TM9SF4: variants seen among roughly 807,000 people sequenced by gnomAD.
The protein encoded by TM9SF4 is transmembrane 9 superfamily member 4.
Under a neutral mutation model 90.4 loss-of-function variants are expected in TM9SF4, and 26 were observed. The observed-to-expected ratio is 0.29, with a 90% CI of 0.21 to 0.40. The LOEUF (loss-of-function observed/expected upper bound fraction) is 0.40, where lower values mean the gene tolerates loss of function less well. Ranked by LOEUF, TM9SF4 falls within the 10% of genes least tolerant of loss-of-function variation. The pLI, the probability that TM9SF4 is intolerant of heterozygous loss-of-function variation, is 1.00. For synonymous variants in TM9SF4, 293 were observed against 315.4 expected (o/e 0.93, Z 0.75); for missense variants, 549 against 834.8 (o/e 0.66, Z 4.22).
At chr20:32,122,414 G>GGGC (rs2046334901) in intron 1 of TM9SF4, among the ~76,000 whole-genome samples, 1 of 118,752 alleles carries the variant, frequency 8.4e-6, no homozygotes. Flanking sequence ...TCAGACGGGG[G>GGGC]TGCTGCCGGG....
intron 1 of TM9SF4, among the ~76,000 whole-genome samples, chr20:32,118,279 C>G (rs1467416365): frequency 1.3e-5 from 2 of 152,174 alleles, no homozygotes; most frequent in East Asian, 3.8e-4. Context: ...GCTGATCTGT[C>G]TGCTTACCCA....
chr20:32,131,031 A>AG (rs1319921043), intron 1 of TM9SF4, among the ~76,000 whole-genome samples: 1 of 152,140 alleles, frequency 6.6e-6, no homozygotes, highest in Non-Finnish European at 1.5e-5. Context: ...AAAATGACAG[A>AG]GGGAAAAAAA....
intron 3 of TM9SF4, among the ~76,000 whole-genome samples, chr20:32,140,164 G>A (rs1394855305): frequency 1.3e-5 from 2 of 152,224 alleles, no homozygotes; most frequent in South Asian, 2.1e-4. Context: ...GGAAAAGTGC[G>A]AGACCAAGTG....
intron 1 of TM9SF4, 30 bp downstream of exon 1, chr20:32,109,785 C>T (rs1197826793): frequency 1.2e-5 from 19 of 1,551,386 alleles, no homozygotes; most frequent in East Asian, 2.4e-5. Context: ...GGAGCGGGAG[C>T]TGGAGCGGGG....
At chr20:32,118,076 A>G (rs565439317) in intron 1 of TM9SF4, among the ~76,000 whole-genome samples, 4 of 152,222 alleles carry the variant, frequency 2.6e-5, no homozygotes, top group Non-Finnish European at 5.9e-5. Context: ...CTATCAGGCT[A>G]TCAGGAATAT....
intron 15 of TM9SF4, 66 bp from the exon 16 acceptor site, chr20:32,159,926 G>A: frequency 6.2e-7 from 1 of 1,606,864 alleles, no homozygotes; most frequent in Non-Finnish European, 8.5e-7. Flanking sequence ...CTTGTGACAG[G>A]TTGGTGTGCC....
intron 13 of TM9SF4, among the ~76,000 whole-genome samples, chr20:32,155,592 G>C (rs1049357106): frequency 6.6e-6 from 1 of 152,212 alleles, no homozygotes; most frequent in African/African-American, 2.4e-5. Flanking sequence ...GGAGGAGAGA[G>C]GAAAGGAAGG....
chr20:32,131,173 G>A (rs1015612966), intron 1 of TM9SF4, among the ~76,000 whole-genome samples: 26 of 152,076 alleles, frequency 1.7e-4, no homozygotes, highest in African/African-American at 6.3e-4. Context: ...CAATACACCT[G>A]TCTTAGCCAT....
At chr20:32,135,087 C>A (rs1600807777) in intron 2 of TM9SF4, among the ~76,000 whole-genome samples, 1 of 152,180 alleles carries the variant, frequency 6.6e-6, no homozygotes, top group African/African-American at 2.4e-5. Context: ...GTTTTACTTA[C>A]ATTTGGATTA....
In TM9SF4 at chr20:32,145,355, C is replaced by T; in HGVS notation, c.815C>T (p.Thr272Ile). ...KWASRWDTYL[T>I]MSDVQIHWFS... ...GCCTCTCGCTGGGACACTTACCTGA[C>T]CATGAGTGACGTCCAGATCCACTGG... is the stretch of plus-strand genomic sequence containing the variant. The change falls in exon 8 of 18, where the codon ACC becomes ATC. Residue 272 changes from threonine (T) to isoleucine (I), a missense_variant. Thr to Ile is a moderately conservative substitution (Grantham distance 89). This residue lies in a region of TM9SF4 where 495 missense variants were observed against 711.7 expected (regional missense o/e 0.70). Coordinates refer to ENST00000398022, the MANE Select transcript of TM9SF4 (RefSeq NM_014742.4). 1.2e-6 allele frequency: 2 copies of T among 1,614,152 alleles called. No homozygotes were observed. Among genetic ancestry groups the T allele is most frequent in the South Asian group, 2.2e-5 (2 of 91,086 alleles).
chr20:32,109,934 A>G (rs1412563987), intron 1 of TM9SF4, 179 bp downstream of exon 1: 5 of 1,436,082 alleles, frequency 3.5e-6, no homozygotes, highest in Non-Finnish European at 4.6e-6. Context: ...CTGCCCCTGC[A>G]CTCAGGCTTG....
chr20:32,163,256 AAAAAAAAAAAAAATATAT>A (rs2047044956), intron 17 of TM9SF4, among the ~76,000 whole-genome samples: 2 of 78,406 alleles, frequency 2.6e-5, no homozygotes, highest in East Asian at 8.1e-4. Flanking sequence ...AAAAAAAAAA[AAAAAAAAAAAAAATATAT>A]ATATATATAT....
At chr20:32,149,814 C>T in intron 10 of TM9SF4, 48 bp downstream of exon 10, 2 of 1,606,780 alleles carry the variant, frequency 1.2e-6, no homozygotes, top group African/African-American at 2.7e-5. Context: ...CTTCCTCTTC[C>T]AGGTGCCTCA....
chr20:32,146,758 C>T (rs765350952), intron 8 of TM9SF4, 27 bp from the exon 9 acceptor site: 3 of 1,612,604 alleles, frequency 1.9e-6, no homozygotes, highest in African/African-American at 1.3e-5. Context: ...GCCAACTTCT[C>T]CTCATCCTCA....
chr20:32,123,868 T>TATATATATATATA (rs1161883493), intron 1 of TM9SF4, among the ~76,000 whole-genome samples: 4 of 43,114 alleles, frequency 9.3e-5, no homozygotes, highest in African/African-American at 3.7e-4. Flanking sequence ...ATATATATAT[T>TATATATATATATA]TTTTTTTTTA....
chr20:32,115,280 A>C (rs1425448481), intron 1 of TM9SF4, among the ~76,000 whole-genome samples: 4 of 152,208 alleles, frequency 2.6e-5, no homozygotes, highest in African/African-American at 9.7e-5. Flanking sequence ...CTGTTTTACA[A>C]CTTGGACAAA....
At chr20:32,132,610 A>G (rs1277746289) in intron 1 of TM9SF4, among the ~76,000 whole-genome samples, 2 of 152,014 alleles carry the variant, frequency 1.3e-5, no homozygotes, top group Admixed American at 6.6e-5. Flanking sequence ...TCTTGGTAAC[A>G]TAGGAGCTTT....
At chr20:32,139,586 C>T (rs927433516) in intron 3 of TM9SF4, among the ~76,000 whole-genome samples, 1 of 152,218 alleles carries the variant, frequency 6.6e-6, no homozygotes, top group Non-Finnish European at 1.5e-5. Context: ...CAGTTCCTTG[C>T]ATCCTCTGTT....
In TM9SF4 at chr20:32,145,103, A is replaced by G. The variant is rs765698735; in HGVS notation, c.665A>G (p.Asp222Gly). 6 of 1,613,988 alleles carry G rather than the reference A, an allele frequency of 3.7e-6. No homozygotes were observed. The highest frequency in any genetic ancestry group is 3.3e-5 in the Admixed American group (2 of 60,002). ...QSIRLEDLKA[D>G]EKSSCTLPEG... ...GTGTCTCTCTCAGACCTCAAAGCAGATGAGAAGAGTTCGTGCACTCTGCCT... is the reference window on the plus strand; with the variant it reads ...GTGTCTCTCTCAGACCTCAAAGCAGGTGAGAAGAGTTCGTGCACTCTGCCT... The change falls in exon 7 of 18, where the codon GAT becomes GGT. Residue 222 changes from aspartate (D) to glycine (G), a missense_variant. Around this residue, in one of 2 missense-constraint regions of TM9SF4, gnomAD observed 495 missense variants for 711.7 expected, o/e 0.70. Coordinates refer to ENST00000398022, the MANE Select transcript of TM9SF4 (RefSeq NM_014742.4).
Sources: allele counts gnomAD v4.1 joint callset (sites outside exome capture counted in the v4.1 genomes callset), GRCh38; gene constraint gnomAD v4.1.1; regional missense constraint gnomAD v4.1.1; transcripts MANE v1.5; gene names NCBI Gene and HGNC (gene_info 2026-07-23, HGNC 2026-07-21).